Variants in TSGA10 observed in about 807,000 individuals in gnomAD.
The protein encoded by TSGA10 is testis specific 10.
In TSGA10, 43 loss-of-function variants were observed where a neutral mutation model predicts 96.6. The ratio of observed to expected loss-of-function variants is 0.44; its 90% confidence interval spans 0.35 to 0.57. TSGA10 has a LOEUF of 0.57. Among genes scored for constraint, TSGA10 ranks in the 20% least tolerant of loss-of-function variants. TSGA10 has a pLI of 0.01. For missense variants in TSGA10, 703 were observed against 834.4 expected, an observed-to-expected ratio of 0.84 and a Z score of 1.94; for synonymous variants, 229 against 269.9, an observed-to-expected ratio of 0.85 and a Z score of 1.48.
intron 1 of TSGA10, among the ~76,000 whole-genome samples, chr2:99,144,850 GAGA>G (rs757597001): frequency 1.3e-5 from 2 of 152,122 alleles, no homozygotes; most frequent in African/African-American, 2.4e-5. Context: ...CCTGAAGCAG[GAGA>G]AGGTTTGGCA....
intron 4 of TSGA10, among the ~76,000 whole-genome samples, chr2:99,115,643 G>A (rs1444686631): frequency 6.6e-6 from 1 of 152,052 alleles, no homozygotes; most frequent in African/African-American, 2.4e-5. Context: ...ACTTTGGGAG[G>A]CCAAGGTGGG....
At chr2:99,088,260 G>A (rs796387401) in intron 10 of TSGA10, among the ~76,000 whole-genome samples, 7 of 152,294 alleles carry the variant, frequency 4.6e-5, no homozygotes, top group African/African-American at 9.6e-5. Flanking sequence ...TGAAAACAGA[G>A]AGACCACATT....
rs76030684 is a variant in TSGA10, at chr2:98,998,357, A to G, written c.2073-136T>C. The G allele has an allele frequency of 4.3e-4, 293 of 688,640 alleles. 6 individuals are homozygous for G. The East Asian group carries it at 8.1e-3, about 19-fold the overall frequency. 42.7% of individuals were successfully genotyped at this position (688,640 alleles called of 1,614,324 possible). A position where few individuals can be genotyped will look rare whatever the true frequency, so the allele number is the denominator to read the frequency against. On this transcript the variant is annotated intron_variant, in intron 20 of 20. Transcript: ENST00000393483. ...TCATTTCTATGAAGGAAAACAAAAAACAATATATTTTTTCACTCAGTTTTC... is the reference window on the plus strand; with the variant it reads ...TCATTTCTATGAAGGAAAACAAAAAGCAATATATTTTTTCACTCAGTTTTC...
At chr2:99,096,868 T>C (rs2090107168) in intron 10 of TSGA10, among the ~76,000 whole-genome samples, 1 of 152,256 alleles carries the variant, frequency 6.6e-6, no homozygotes, top group Non-Finnish European at 1.5e-5. Context: ...GAGCTAGCAG[T>C]AAGTTTGTAC....
intron 10 of TSGA10, among the ~76,000 whole-genome samples, chr2:99,098,190 G>C (rs1277465521): frequency 6.6e-6 from 1 of 151,804 alleles, no homozygotes; most frequent in African/African-American, 2.4e-5. Context: ...GTAATCCCAG[G>C]ACTTTGGGAG....
intron 1 of TSGA10, among the ~76,000 whole-genome samples, chr2:99,143,950 T>C (rs577649465): frequency 2.0e-5 from 3 of 152,290 alleles, no homozygotes; most frequent in African/African-American, 7.2e-5. Context: ...CAAAAAAAAA[T>C]CTGGGACTCC....
At chr2:99,101,244 C>CAAAAAAAA (rs869263270) in intron 10 of TSGA10, among the ~76,000 whole-genome samples, 1 of 24,364 alleles carries the variant, frequency 4.1e-5, no homozygotes, top group Non-Finnish European at 6.6e-5. Context: ...GACTCTGTCT[C>CAAAAAAAA]AAAAAAAAAA....
intron 10 of TSGA10, among the ~76,000 whole-genome samples, chr2:99,086,876 C>T (rs2088485156): frequency 1.3e-5 from 2 of 151,846 alleles, no homozygotes; most frequent in Non-Finnish European, 2.9e-5. Flanking sequence ...TCAAGACCAC[C>T]CTGGACAACA....
chr2:99,095,866 C>T (rs373985531), intron 10 of TSGA10, among the ~76,000 whole-genome samples: 9 of 152,170 alleles, frequency 5.9e-5, no homozygotes, highest in African/African-American at 1.9e-4. Flanking sequence ...GTCTCAATCT[C>T]CTGACCTCGT....
intron 20 of TSGA10, among the ~76,000 whole-genome samples, chr2:99,014,548 C>T (rs1481058539): frequency 1.3e-5 from 2 of 151,942 alleles, no homozygotes; most frequent in African/African-American, 2.4e-5. Flanking sequence ...TTTGAAAGAG[C>T]ACAAATAGAC....
chr2:99,035,544 T>G, intron 16 of TSGA10, 105 bp from the exon 17 acceptor site: 5 of 654,532 alleles, frequency 7.6e-6, no homozygotes, highest in Non-Finnish European at 7.4e-6. Context: ...GTAGTGCACT[T>G]AGATTGTATG....
chr2:99,025,877 A>G (rs187823138), intron 17 of TSGA10, among the ~76,000 whole-genome samples: 2 of 152,142 alleles, frequency 1.3e-5, no homozygotes, highest in East Asian at 3.9e-4. Flanking sequence ...GTGCTGCTCA[A>G]TTTTCATATA....
chr2:99,092,084 G>A (rs141053544), intron 10 of TSGA10, among the ~76,000 whole-genome samples: 1 of 151,988 alleles, frequency 6.6e-6, no homozygotes, highest in Non-Finnish European at 1.5e-5. Flanking sequence ...ATCAAGTACT[G>A]TCTCTGACCA....
At chr2:99,006,040 G>A (rs1043932153) in intron 20 of TSGA10, among the ~76,000 whole-genome samples, 1 of 152,126 alleles carries the variant, frequency 6.6e-6, no homozygotes, top group Non-Finnish European at 1.5e-5. Flanking sequence ...CAAGAAATGG[G>A]GAAAGGATTC....
chr2:99,045,215 C>A (rs1321323810), intron 16 of TSGA10, among the ~76,000 whole-genome samples: 1 of 151,904 alleles, frequency 6.6e-6, no homozygotes, highest in African/African-American at 2.4e-5. Context: ...ACACAAAAAA[C>A]CCTTCAAAAA....
intron 1 of TSGA10, among the ~76,000 whole-genome samples, chr2:99,127,849 A>C (rs2092909063): frequency 6.6e-6 from 1 of 152,222 alleles, no homozygotes; most frequent in Non-Finnish European, 1.5e-5. Context: ...CAACATGACA[A>C]ATGCACATAG....
chr2:99,044,209 C>T (rs149495496), intron 16 of TSGA10, among the ~76,000 whole-genome samples: 1,983 of 152,158 alleles, frequency 0.013, 43 homozygotes, highest in African/African-American at 0.045. Flanking sequence ...GGGCTAAATG[C>T]CCCAATTAAA....
At chr2:99,134,217 C>T (rs2093230944) in intron 1 of TSGA10, among the ~76,000 whole-genome samples, 1 of 152,104 alleles carries the variant, frequency 6.6e-6, no homozygotes, top group African/African-American at 2.4e-5. Flanking sequence ...CAGAGTATAC[C>T]AATCAAAGGT....
At chr2:99,031,472 C>T (rs1231042768) in intron 17 of TSGA10, among the ~76,000 whole-genome samples, 1 of 151,934 alleles carries the variant, frequency 6.6e-6, no homozygotes, top group Non-Finnish European at 1.5e-5. Context: ...AAGCCAAAAG[C>T]ACAATCCATA....
Sources: allele counts gnomAD v4.1 joint callset (sites outside exome capture counted in the v4.1 genomes callset), GRCh38; gene constraint gnomAD v4.1.1; transcripts MANE v1.5; gene names NCBI Gene and HGNC (gene_info 2026-07-23, HGNC 2026-07-21).